Variants in GRID1 observed in about 807,000 individuals in gnomAD.
The protein encoded by GRID1 is glutamate ionotropic receptor delta type subunit 1, also known as glutamate receptor ionotropic, delta-1.
Under a neutral mutation model 98.0 loss-of-function variants are expected in GRID1, and 28 were observed. The ratio of observed to expected loss-of-function variants is 0.29; its 90% confidence interval spans 0.21 to 0.39. The LOEUF is 0.39. Ranked by LOEUF, GRID1 falls within the 10% of genes least tolerant of loss-of-function variation. The pLI is 1.00. For missense variants in GRID1, 1,111 were observed against 1,340.5 expected, an observed-to-expected ratio of 0.83 and a Z score of 2.67; for synonymous variants, 553 against 538.5, an observed-to-expected ratio of 1.03 and a Z score of -0.37.
intron 4 of GRID1, among the ~76,000 whole-genome samples, chr10:85,920,580 T>TA (rs1470108657): frequency 6.6e-6 from 1 of 152,188 alleles, no homozygotes; most frequent in Non-Finnish European, 1.5e-5. Flanking sequence ...CAACAATCAA[T>TA]ACAGCTTTGC....
At chr10:85,718,014 G>A (rs745816639) in intron 12 of GRID1, among the ~76,000 whole-genome samples, 19 of 152,158 alleles carry the variant, frequency 1.2e-4, no homozygotes, top group Non-Finnish European at 2.5e-4. Context: ...GGGCAACTCC[G>A]CCCCTGTGGC....
chr10:85,737,660 ATATATATATATAT>A lies in GRID1; in HGVS notation c.1234-8059_1234-8047del, dbSNP rs1564575080. ...AGTAAAGCCAGATATATATATATATATATATATATATATAAACATATATGGTTATATATATATA... is the reference window on the plus strand; with the variant it reads ...AGTAAAGCCAGATATATATATATATAAAACATATATGGTTATATATATATA... On this transcript the variant is annotated intron_variant, in intron 8 of 15. Transcript: ENST00000327946. Among the ~76,000 whole-genome samples the A allele has an allele frequency of 3.5e-4, 46 of 133,074 alleles. 5 individuals carry two copies. Among genetic ancestry groups the A allele is most frequent in the African/African-American group, 1.2e-3 (43 of 35,006 alleles). The allele number at this position is 133,074 out of a possible 152,430, so 87.3% of individuals were successfully genotyped here.
chr10:85,706,130 A>G (rs1000144725), intron 12 of GRID1, among the ~76,000 whole-genome samples: 1 of 152,152 alleles, frequency 6.6e-6, no homozygotes, highest in Non-Finnish European at 1.5e-5. Flanking sequence ...GGCAGGAGAA[A>G]GAAATAAAGG....
chr10:85,908,371 C>T lies in GRID1; in HGVS notation c.780+7815G>A, dbSNP rs184602861. ...GGATACAAGATCAATATGCAAAAAT[C>T]AATTGCATTTGTATGTTCTACCAAT... On this transcript the variant is annotated intron_variant, in intron 5 of 15. Coordinates refer to ENST00000327946, the MANE Select transcript of GRID1 (RefSeq NM_017551.3). 1.0e-3 allele frequency among the ~76,000 whole-genome samples: 159 copies of T among 152,248 alleles called. 1 individual carries two copies. Among genetic ancestry groups the T allele is most frequent in the Non-Finnish European group, 9.4e-4 (64 of 68,008 alleles).
intron 2 of GRID1, among the ~76,000 whole-genome samples, chr10:86,345,332 A>G (rs546362286): frequency 7.7e-4 from 118 of 152,276 alleles, no homozygotes; most frequent in African/African-American, 2.3e-3. Context: ...TGGGGTGGAA[A>G]AGAGAGAGGC....
intron 2 of GRID1, among the ~76,000 whole-genome samples, chr10:86,240,402 A>G (rs925656721): frequency 6.6e-6 from 1 of 152,158 alleles, no homozygotes; most frequent in African/African-American, 2.4e-5. Context: ...GCATTCTGGG[A>G]CCATCTGGAG....
chr10:85,716,996 A>AC (rs2132643414), intron 12 of GRID1, among the ~76,000 whole-genome samples: 1 of 152,246 alleles, frequency 6.6e-6, no homozygotes, highest in African/African-American at 2.4e-5. Flanking sequence ...GTCAAAGAGT[A>AC]CAGAATTTCA....
At chr10:85,692,641 T>G (rs1335597336) in intron 12 of GRID1, among the ~76,000 whole-genome samples, 1 of 142,080 alleles carries the variant, frequency 7.0e-6, no homozygotes, top group Non-Finnish European at 1.5e-5. Flanking sequence ...CACTCCAGCC[T>G]GTGCGACAGA....
chr10:85,836,555 G>A (rs532289058), intron 8 of GRID1, among the ~76,000 whole-genome samples: 12 of 152,316 alleles, frequency 7.9e-5, no homozygotes, highest in Admixed American at 2.6e-4. Flanking sequence ...TGACCATCAC[G>A]GACACTTGAG....
Position 85,749,634 on chromosome 10 carries a change from G to A in GRID1, c.1234-20020C>T, listed in dbSNP as rs1842027708. Among the ~76,000 whole-genome samples the A allele has an allele frequency of 2.6e-5, 4 of 152,048 alleles. No homozygotes were observed. The South Asian group carries it at 8.3e-4, about 32-fold the overall frequency. On this transcript the variant is annotated intron_variant, in intron 8 of 15. Transcript: ENST00000327946. The stretch of plus-strand genomic sequence containing the variant: ...AAGCATAACCTACAACATTCTATAC[G>A]ATCTGACCACTGCCTAGCTAATAAT...
At chr10:85,823,432 CA>C (rs985097373) in intron 8 of GRID1, among the ~76,000 whole-genome samples, 3 of 151,268 alleles carry the variant, frequency 2.0e-5, no homozygotes, top group Non-Finnish European at 3.0e-5. Context: ...TATATATAAA[CA>C]AAAATAAACA....
chr10:86,145,875 G>A (rs1382846173), intron 3 of GRID1, among the ~76,000 whole-genome samples: 1 of 152,104 alleles, frequency 6.6e-6, no homozygotes, highest in South Asian at 2.1e-4. Flanking sequence ...CCTGAAGCCC[G>A]GCGTGACTTC....
chr10:86,114,788 T>G (rs1299423704), intron 4 of GRID1, among the ~76,000 whole-genome samples: 1 of 152,116 alleles, frequency 6.6e-6, no homozygotes, highest in Non-Finnish European at 1.5e-5. Context: ...ACCAGAGCAT[T>G]GGCAGGCTCC....
At chr10:86,235,657 G>A (rs2132038611) in intron 2 of GRID1, among the ~76,000 whole-genome samples, 1 of 152,300 alleles carries the variant, frequency 6.6e-6, no homozygotes, top group South Asian at 2.1e-4. Context: ...GTAGTCTTCT[G>A]TGTCTGCCTT....
At chr10:85,676,456 C>A (rs1213025967) in intron 12 of GRID1, among the ~76,000 whole-genome samples, 1 of 152,168 alleles carries the variant, frequency 6.6e-6, no homozygotes, top group Non-Finnish European at 1.5e-5. Flanking sequence ...GTTTTCCCTG[C>A]CTCACTCTAT....
In GRID1 at chr10:85,861,613, T is replaced by C. The variant is rs144628539; in HGVS notation, c.952-5423A>G. Among the ~76,000 whole-genome samples the C allele has an allele frequency of 7.9e-5, 12 of 152,300 alleles. No homozygotes were observed. The East Asian group carries it at 2.1e-3, about 27-fold the overall frequency. On this transcript the variant is annotated intron_variant, in intron 6 of 15. Transcript: ENST00000327946. Reference sequence around the variant, plus strand: ...AGGGAGACAGTGTGGCCTGCTGCAGTCAAAGGCCAGACATTCACATAGCAA... The same window carrying C: ...AGGGAGACAGTGTGGCCTGCTGCAGCCAAAGGCCAGACATTCACATAGCAA...
chr10:85,946,179 G>A (rs559913860), intron 4 of GRID1, among the ~76,000 whole-genome samples: 1 of 152,158 alleles, frequency 6.6e-6, no homozygotes, highest in Non-Finnish European at 1.5e-5. Flanking sequence ...GCTCTGGGTA[G>A]TACAAAAGAT....
intron 8 of GRID1, among the ~76,000 whole-genome samples, chr10:85,746,625 G>T (rs1242941972): frequency 1.3e-5 from 2 of 152,090 alleles, no homozygotes; most frequent in African/African-American, 2.4e-5. Flanking sequence ...TCAGCATGCT[G>T]AAGAGGCTAC....
intron 15 of GRID1, among the ~76,000 whole-genome samples, chr10:85,605,181 A>T (rs1842642810): frequency 6.6e-6 from 1 of 152,182 alleles, no homozygotes; most frequent in Admixed American, 6.5e-5. Context: ...GGCTGCTATG[A>T]GCTCCTGTTA....
Sources: gnomAD v4.1 joint callset for allele counts (sites outside exome capture counted in the v4.1 genomes callset) on GRCh38, gnomAD v4.1.1 for gene constraint, MANE v1.5 for transcripts, NCBI Gene and HGNC (gene_info 2026-07-23, HGNC 2026-07-21) for gene names.